The following BABAM2 variants were observed in gnomAD, a reference collection of about 807,000 sequenced individuals.
The protein encoded by BABAM2 is BRISC and BRCA1 A complex member 2, also known as BRISC and BRCA1-A complex member 2.
A neutral mutation model predicts 54.7 loss-of-function variants in BABAM2; 31 were observed. That is an observed-to-expected ratio of 0.57 (90% confidence interval 0.43 to 0.77). The LOEUF (loss-of-function observed/expected upper bound fraction) is 0.77, where lower values mean the gene tolerates loss of function less well. Among genes scored for constraint, BABAM2 ranks in the 30% least tolerant of loss-of-function variants. BABAM2 has a pLI of 0.00. For missense variants in BABAM2, 364 were observed against 455.8 expected (o/e 0.80, Z 1.83); for synonymous variants, 167 against 162.9 (o/e 1.03, Z -0.19).
intron 2 of BABAM2, among the ~76,000 whole-genome samples, chr2:27,902,713 G>A (rs1665882419): frequency 6.6e-6 from 1 of 152,070 alleles, no homozygotes; most frequent in Non-Finnish European, 1.5e-5. Flanking sequence ...AGATTTTAAA[G>A]CATTCTTTGT....
At chr2:28,034,983 T>C (rs982724509) in intron 5 of BABAM2, among the ~76,000 whole-genome samples, 4 of 152,164 alleles carry the variant, frequency 2.6e-5, no homozygotes, top group Non-Finnish European at 5.9e-5. Flanking sequence ...TAGTCAAACA[T>C]GTGACTATCG....
chr2:27,993,498 G>C (rs958627784), intron 4 of BABAM2, among the ~76,000 whole-genome samples: 1 of 152,180 alleles, frequency 6.6e-6, no homozygotes, highest in Non-Finnish European at 1.5e-5. Flanking sequence ...GCAACACCCT[G>C]TGGTATGTTC....
chr2:28,189,425 T>C (rs1167230118), intron 7 of BABAM2, among the ~76,000 whole-genome samples: 1 of 152,120 alleles, frequency 6.6e-6, no homozygotes, highest in Non-Finnish European at 1.5e-5. Flanking sequence ...TTATAGGCGG[T>C]AAGAGCAAAA....
chr2:27,900,204 C>A (rs548159481), intron 2 of BABAM2, among the ~76,000 whole-genome samples: 1 of 152,120 alleles, frequency 6.6e-6, no homozygotes, highest in African/African-American at 2.4e-5. Flanking sequence ...CTATAGGACA[C>A]AGTATAAATA....
At chr2:28,094,409 G>C (rs1411507426) in intron 6 of BABAM2, among the ~76,000 whole-genome samples, 2 of 151,934 alleles carry the variant, frequency 1.3e-5, no homozygotes, top group East Asian at 3.9e-4. Context: ...CCACAGAAGT[G>C]TTTTTAATAT....
At chr2:28,090,436 G>T (rs1475988237) in intron 6 of BABAM2, among the ~76,000 whole-genome samples, 1 of 152,016 alleles carries the variant, frequency 6.6e-6, no homozygotes, top group Non-Finnish European at 1.5e-5. Context: ...GTAGAGATGG[G>T]TTTCACCGTG....
chr2:27,982,419 G>T (rs1014767118), intron 3 of BABAM2, among the ~76,000 whole-genome samples: 1 of 151,976 alleles, frequency 6.6e-6, no homozygotes, highest in Non-Finnish European at 1.5e-5. Context: ...GCATTGCCTA[G>T]CCCAAAGTTA....
Position 28,156,878 on chromosome 2 carries a change from C to T in BABAM2, c.680+27498C>T, listed in dbSNP as rs147104713. ...GAAGGCCAAGTTTGATTCTGTATTACAAATTTTTAAATGGAACTTAATGGG... is the reference window on the plus strand; with the variant it reads ...GAAGGCCAAGTTTGATTCTGTATTATAAATTTTTAAATGGAACTTAATGGG... On this transcript the variant is annotated intron_variant, in intron 7 of 11. Transcript: ENST00000379624. Among the ~76,000 whole-genome samples, 134 of 152,212 alleles carry T rather than the reference C, an allele frequency of 8.8e-4. 1 individual carries two copies. In the East Asian group the frequency reaches 0.019, roughly 22 times the overall value.
In BABAM2 at chr2:28,322,720, T is replaced by C. The variant is rs1690124491; in HGVS notation, c.1089-15730T>C. On this transcript the variant is annotated intron_variant, in intron 11 of 11. Transcript: ENST00000379624. The surrounding 1 kb of genome is among the most constrained non-coding windows in gnomAD (Gnocchi z 4.1). The stretch of plus-strand genomic sequence containing the variant: ...GCCTTGAGGGTGGGTAGGTGTCAGG[T>C]AGGTGGGAGACCCCCAGCATGTTGC... 6.6e-6 allele frequency among the ~76,000 whole-genome samples: 1 copy of C among 152,188 alleles called. No individual in the cohort carries two copies. The highest frequency in any genetic ancestry group is 1.5e-5 in the Non-Finnish European group (1 of 68,008).
chr2:28,042,597 T>C (rs1677192609), intron 5 of BABAM2, among the ~76,000 whole-genome samples: 1 of 152,126 alleles, frequency 6.6e-6, no homozygotes, highest in Non-Finnish European at 1.5e-5. Flanking sequence ...GGAACTGTTT[T>C]GGTGGAGTGG....
chr2:28,025,314 G>A lies in BABAM2; in HGVS notation c.389G>A (p.Ser130Asn). Residue 130 changes from serine (S) to asparagine (N), a missense_variant, in exon 5 of 12, where the codon AGC becomes AAC. Physicochemically the swap from Ser to Asn is conservative, Grantham distance 46. Transcript: ENST00000379624. Reference sequence around the variant, plus strand: ...CAACAATATCACCAATTCCAATGTAGCCGCCTCCGGGAGAGCTCCCGCCTC... The same window carrying A: ...CAACAATATCACCAATTCCAATGTAACCGCCTCCGGGAGAGCTCCCGCCTC... ...LVQQYHQFQC[S>N]RLRESSRLMF... The A allele has an allele frequency of 6.2e-7, 1 of 1,613,144 alleles. No individual in the cohort carries two copies. Among genetic ancestry groups the A allele is most frequent in the Non-Finnish European group, 8.5e-7 (1 of 1,179,774 alleles).
Position 27,987,970 on chromosome 2 carries a change from C to T in BABAM2, c.206-23C>T, listed in dbSNP as rs758484958. On this transcript the variant is annotated intron_variant, in intron 3 of 11. Transcript: ENST00000379624. Reference sequence around the variant, plus strand: ...ATACTTAGAAAGGAAATAAAAAGGACCTGTCATTTTCTTTTATTTCAGGGG... The same window carrying T: ...ATACTTAGAAAGGAAATAAAAAGGATCTGTCATTTTCTTTTATTTCAGGGG... 31 of 1,558,522 alleles carry T rather than the reference C, an allele frequency of 2.0e-5. No homozygotes were observed. The Admixed American group carries it at 5.2e-4, about 26-fold the overall frequency.
chr2:28,061,209 C>G (rs1678832831), intron 6 of BABAM2, among the ~76,000 whole-genome samples: 1 of 151,922 alleles, frequency 6.6e-6, no homozygotes, highest in African/African-American at 2.4e-5. Context: ...ATTTTTGACC[C>G]AGGTGCAAAA....
At chr2:28,174,343 A>C (rs1480772440) in intron 7 of BABAM2, among the ~76,000 whole-genome samples, 1 of 152,186 alleles carries the variant, frequency 6.6e-6, no homozygotes, top group African/African-American at 2.4e-5. Context: ...TATATATATA[A>C]AAGAAATATG....
intron 2 of BABAM2, among the ~76,000 whole-genome samples, chr2:27,903,093 AC>A (rs929889076): frequency 3.5e-5 from 4 of 115,172 alleles, no homozygotes; most frequent in Non-Finnish European, 3.6e-5. Context: ...TGTCTCCCCC[AC>A]CCCCCCCACC....
chr2:28,171,476 C>G (rs1376697246), intron 7 of BABAM2, among the ~76,000 whole-genome samples: 1 of 152,170 alleles, frequency 6.6e-6, no homozygotes, highest in Non-Finnish European at 1.5e-5. Context: ...GAGGATCAGT[C>G]CCTGAATGGT....
chr2:28,069,382 C>T (rs1663913622), intron 6 of BABAM2, among the ~76,000 whole-genome samples: 1 of 152,180 alleles, frequency 6.6e-6, no homozygotes, highest in South Asian at 2.1e-4. Flanking sequence ...CTATAGTTTA[C>T]AGGCCATACC....
intron 6 of BABAM2, among the ~76,000 whole-genome samples, chr2:28,046,441 T>C (rs1350812737): frequency 6.6e-6 from 1 of 152,122 alleles, no homozygotes; most frequent in Non-Finnish European, 1.5e-5. Context: ...GCCTGGGTGA[T>C]AGAGTGAGAC....
At chr2:27,975,727 T>C (rs1671548635) in intron 3 of BABAM2, among the ~76,000 whole-genome samples, 1 of 128,752 alleles carries the variant, frequency 7.8e-6, no homozygotes, top group African/African-American at 3.0e-5. Flanking sequence ...CTTAAAACTT[T>C]TGCTCTGCTG....
Sources: gnomAD v4.1 joint callset for allele counts (sites outside exome capture counted in the v4.1 genomes callset) on GRCh38, gnomAD v4.1.1 for gene constraint, Gnocchi (gnomAD v3.1) non-coding constraint, MANE v1.5 for transcripts, NCBI Gene and HGNC (gene_info 2026-07-23, HGNC 2026-07-21) for gene names.